Variants in SIK3 observed in about 807,000 individuals in gnomAD.
SIK3 encodes the protein SIK family kinase 3, also known as serine/threonine-protein kinase SIK3.
In SIK3, 28 loss-of-function variants were observed where a neutral mutation model predicts 144.2. The observed-to-expected ratio is 0.19, with a 90% CI of 0.14 to 0.27. The LOEUF (loss-of-function observed/expected upper bound fraction) is 0.27. Among genes scored for constraint, SIK3 ranks in the 10% least tolerant of loss-of-function variants. SIK3 has a pLI of 1.00. For missense variants in SIK3, 1,319 were observed against 1,776.0 expected, an observed-to-expected ratio of 0.74 and a Z score of 4.62; for synonymous variants, 686 against 676.3, an observed-to-expected ratio of 1.01 and a Z score of -0.22.
intron 19 of SIK3, among the ~76,000 whole-genome samples, chr11:116,860,529 C>A (rs1943265964): frequency 6.6e-6 from 1 of 152,150 alleles, no homozygotes; most frequent in African/African-American, 2.4e-5. Flanking sequence ...TAGTAGACAG[C>A]CAAACGGAGG....
chr11:117,035,838 T>C, intron 1 of SIK3: 1 of 1,576,438 alleles, frequency 6.3e-7, no homozygotes, highest in South Asian at 1.1e-5. Context: ...TCTGTAAGCC[T>C]TGCTTTTCCT....
rs763117502 is a variant in SIK3 at position 116,875,918 on chromosome 11, G to C, written c.1187C>G (p.Ala396Gly). The C allele has an allele frequency of 6.2e-7, 1 of 1,612,888 alleles. No homozygotes were observed. Among genetic ancestry groups the C allele is most frequent in the Non-Finnish European group, 8.5e-7 (1 of 1,179,712 alleles). ...CAGGGCTCGGGGCATGCTAGGAAGT[G>C]CTCCGAGACGCAGGGTTTTATGTCT... ...HKRHKTLRLG[A>G]LPSMPRALAF... The change falls in exon 9 of 25, where the codon GCA (alanine) becomes GGA (glycine). Residue 396 changes from alanine (A) to glycine (G), a missense_variant. Physicochemically the swap from Ala to Gly is moderately conservative, Grantham distance 60. Transcript: ENST00000445177.
At chr11:116,965,732 AAAATATATATATATATATAT>A (rs1170073846) in intron 1 of SIK3, among the ~76,000 whole-genome samples, 31 of 77,306 alleles carry the variant, frequency 4.0e-4, no homozygotes, top group African/African-American at 7.5e-4. Flanking sequence ...CGTCTCTGCT[AAAATATATATATATATATAT>A]ATATATATAT....
intron 13 of SIK3, among the ~76,000 whole-genome samples, chr11:116,871,139 C>T (rs1414572637): frequency 6.6e-6 from 1 of 152,202 alleles, no homozygotes; most frequent in Non-Finnish European, 1.5e-5. Flanking sequence ...ATGAGAACCA[C>T]CACAATGCTT....
rs562329204 is a variant in SIK3 at position 117,048,369 on chromosome 11, T to A, written c.273+49774A>T. ...ATACAGACATAAGGTCAATTAAAACTTTCCAGGCTGGACGCGGTGGCTCAC... is the reference window on the plus strand; with the variant it reads ...ATACAGACATAAGGTCAATTAAAACATTCCAGGCTGGACGCGGTGGCTCAC... On this transcript the variant is annotated intron_variant, in intron 1 of 24. Coordinates refer to ENST00000445177, the MANE Select transcript of SIK3 (RefSeq NM_001366686.3). Among the ~76,000 whole-genome samples, 3 of 152,296 alleles carry A rather than the reference T, an allele frequency of 2.0e-5. No homozygotes were observed. The East Asian group carries it at 5.8e-4, about 29-fold the overall frequency.
chr11:117,098,019 C>G, intron 1 of SIK3, 124 bp downstream of exon 1: 16 of 1,145,524 alleles, frequency 1.4e-5, no homozygotes, highest in Non-Finnish European at 1.7e-5. Flanking sequence ...GGCTCCCTCC[C>G]GCCTCCCGGC....
chr11:117,071,611 T>G (rs975756571), intron 1 of SIK3, among the ~76,000 whole-genome samples: 2 of 151,912 alleles, frequency 1.3e-5, no homozygotes, highest in Non-Finnish European at 2.9e-5. Context: ...AAAGAGAAAT[T>G]CCAAGAGTTG....
chr11:116,872,468 T>G (rs1426235449), intron 13 of SIK3, among the ~76,000 whole-genome samples: 1 of 152,220 alleles, frequency 6.6e-6, no homozygotes, highest in Non-Finnish European at 1.5e-5. Flanking sequence ...GTTGATCTTG[T>G]CAGTGATGGC....
chr11:116,990,949 C>T (rs1426040562), intron 1 of SIK3, among the ~76,000 whole-genome samples: 1 of 152,212 alleles, frequency 6.6e-6, no homozygotes, highest in Non-Finnish European at 1.5e-5. Flanking sequence ...TATTTTTCAG[C>T]TACATTTACA....
chr11:117,015,417 T>C (rs1277856115), intron 1 of SIK3, among the ~76,000 whole-genome samples: 1 of 152,144 alleles, frequency 6.6e-6, no homozygotes, highest in Admixed American at 6.5e-5. Flanking sequence ...TTTATTTTTA[T>C]TTTTTATTTT....
chr11:116,947,228 T>TAAATTATAATTTATATATAATATA (rs1948686506), intron 3 of SIK3, among the ~76,000 whole-genome samples: 1 of 8,180 alleles, frequency 1.2e-4, no homozygotes, highest in Non-Finnish European at 2.7e-4. Context: ...TATATAATTA[T>TAAATTATAATTTATATATAATATA]TTATATATTT....
intron 1 of SIK3, among the ~76,000 whole-genome samples, chr11:116,967,160 GTACATGC>G (rs1395793914): frequency 6.6e-6 from 1 of 152,156 alleles, no homozygotes; most frequent in Non-Finnish European, 1.5e-5. Flanking sequence ...TTCTTAATGA[GTACATGC>G]TACTCTTTCC....
intron 1 of SIK3, among the ~76,000 whole-genome samples, chr11:116,965,019 C>T (rs1591439604): frequency 1.3e-5 from 2 of 152,148 alleles, no homozygotes; most frequent in East Asian, 3.9e-4. Flanking sequence ...TTTCCAATGT[C>T]TGGATAGAGA....
chr11:117,083,992 A>G (rs1954898372), intron 1 of SIK3, among the ~76,000 whole-genome samples: 1 of 152,212 alleles, frequency 6.6e-6, no homozygotes. Context: ...GGACAAAAAT[A>G]CCACCTCGAA....
At chr11:116,847,449 G>A in intron 23 of SIK3, 27 bp downstream of exon 23, 1 of 1,613,922 alleles carries the variant, frequency 6.2e-7, no homozygotes, top group Non-Finnish European at 8.5e-7. Flanking sequence ...AACTTCTCTG[G>A]AGTGCCCCAT....
At chr11:117,011,111 C>A (rs1358772144) in intron 1 of SIK3, among the ~76,000 whole-genome samples, 3 of 152,170 alleles carry the variant, frequency 2.0e-5, no homozygotes, top group South Asian at 4.2e-4. Flanking sequence ...CAGCGTGAGA[C>A]CCTGTCTCAA....
chr11:116,955,515 T>C (rs1363524439), intron 2 of SIK3, among the ~76,000 whole-genome samples: 1 of 152,346 alleles, frequency 6.6e-6, no homozygotes, highest in East Asian at 1.9e-4. Context: ...GAAATCCTCA[T>C]AGGCTAATCT....
intron 1 of SIK3, among the ~76,000 whole-genome samples, chr11:117,021,903 A>T (rs889903080): frequency 2.3e-5 from 3 of 131,934 alleles, no homozygotes; most frequent in African/African-American, 2.7e-5. Flanking sequence ...ACCACCCTGG[A>T]TAGCACAGTG....
chr11:117,063,586 CTTTTTTT>C (rs769073456), intron 1 of SIK3, among the ~76,000 whole-genome samples: 7 of 125,930 alleles, frequency 5.6e-5, no homozygotes, highest in South Asian at 2.6e-4. Flanking sequence ...AATGAAGTTT[CTTTTTTT>C]TTTTTTTTTT....
Sources: gnomAD v4.1 joint callset for allele counts (sites outside exome capture counted in the v4.1 genomes callset) on GRCh38, gnomAD v4.1.1 for gene constraint, MANE v1.5 for transcripts, NCBI Gene and HGNC (gene_info 2026-07-23, HGNC 2026-07-21) for gene names.